SHANK2: variants seen among roughly 807,000 people sequenced by gnomAD.
SHANK2 encodes the protein SH3 and multiple ankyrin repeat domains protein 2.
In SHANK2, 43 loss-of-function variants were observed where a neutral mutation model predicts 133.7. The observed-to-expected ratio is 0.32, with a 90% CI of 0.25 to 0.41. The LOEUF (loss-of-function observed/expected upper bound fraction) is 0.41. Among genes scored for constraint, SHANK2 ranks in the 10% least tolerant of loss-of-function variants. The probability of loss-of-function intolerance (pLI) is 1.00; values close to 1 mark genes in which losing one functional copy is unlikely to be tolerated. For synonymous variants in SHANK2, 1,017 were observed against 952.8 expected (o/e 1.07, Z -1.24); for missense variants, 1,994 against 2,235.8 (o/e 0.89, Z 2.18).
chr11:70,826,750 A>C, intron 11 of SHANK2: 2 of 292,848 alleles, frequency 6.8e-6, no homozygotes, highest in East Asian at 8.8e-5. Flanking sequence ...CTGCTCTCAA[A>C]CCCGGCTACC....
chr11:70,845,699 A>C (rs1436698080), intron 11 of SHANK2, among the ~76,000 whole-genome samples: 1 of 152,210 alleles, frequency 6.6e-6, no homozygotes, highest in Non-Finnish European at 1.5e-5. Context: ...GCCAGGGAAA[A>C]TCAGAATGAA....
intron 17 of SHANK2, among the ~76,000 whole-genome samples, chr11:70,587,396 C>T (rs2060268212): frequency 6.6e-6 from 1 of 152,178 alleles, no homozygotes; most frequent in Admixed American, 6.5e-5. Context: ...TGTCGCGGCA[C>T]CACGGGTACA....
chr11:70,666,593 C>T (rs1489306067), intron 15 of SHANK2, among the ~76,000 whole-genome samples: 1 of 152,156 alleles, frequency 6.6e-6, no homozygotes, highest in Non-Finnish European at 1.5e-5. Context: ...CTGACCTTGG[C>T]CCCTGCCAGC....
rs149228824 is a variant in SHANK2, at chr11:71,213,182, C to T, written c.-13+11515G>A. Among the ~76,000 whole-genome samples, 12 of 152,026 alleles carry T rather than the reference C, an allele frequency of 7.9e-5. No individual in the cohort carries two copies. In the East Asian group the frequency reaches 1.6e-3, roughly 20 times the overall value. On this transcript the variant is annotated intron_variant, in intron 2 of 25. Coordinates refer to ENST00000601538, the MANE Select transcript of SHANK2 (RefSeq NM_012309.5). ...CAAAGGTGGAAAAGGAGAATCTTCC[C>T]GGGACAGCAGGGACTCCTAGCAGCT... is the stretch of plus-strand genomic sequence containing the variant.
chr11:70,649,603 G>A (rs191498308), intron 17 of SHANK2, among the ~76,000 whole-genome samples: 1 of 152,290 alleles, frequency 6.6e-6, no homozygotes, highest in East Asian at 1.9e-4. Flanking sequence ...ACAAGAGCCT[G>A]CTGAGAACAC....
At chr11:70,568,654 C>CCCCG (rs1554982483) in intron 17 of SHANK2, among the ~76,000 whole-genome samples, 1 of 131,576 alleles carries the variant, frequency 7.6e-6, no homozygotes, top group Non-Finnish European at 1.7e-5. Context: ...CTGCCCCCCC[C>CCCCG]GCCCACTTCC....
intron 17 of SHANK2, among the ~76,000 whole-genome samples, chr11:70,591,739 G>A (rs1270215865): frequency 7.9e-5 from 12 of 152,068 alleles, no homozygotes; most frequent in Non-Finnish European, 1.2e-4. Context: ...GATGTGGGCC[G>A]GGCGCGGTGG....
intron 3 of SHANK2, among the ~76,000 whole-genome samples, chr11:71,139,251 G>A (rs550343516): frequency 6.6e-6 from 1 of 151,858 alleles, no homozygotes; most frequent in South Asian, 2.1e-4. Context: ...GCGGATGCGG[G>A]GCCGACGTAG....
At chr11:71,112,732 G>A (rs942429560) in intron 5 of SHANK2, among the ~76,000 whole-genome samples, 2 of 152,042 alleles carry the variant, frequency 1.3e-5, no homozygotes, top group African/African-American at 4.8e-5. Flanking sequence ...CCCTCTCCAC[G>A]CCTCCTCCTC....
chr11:70,525,132 C>A (rs561899066), intron 17 of SHANK2, among the ~76,000 whole-genome samples: 1 of 152,212 alleles, frequency 6.6e-6, no homozygotes, highest in Non-Finnish European at 1.5e-5. Context: ...CAAACAGGGA[C>A]GCGTGTGGAG....
intron 17 of SHANK2, among the ~76,000 whole-genome samples, chr11:70,587,503 A>G (rs2060269707): frequency 6.6e-6 from 1 of 152,214 alleles, no homozygotes; most frequent in African/African-American, 2.4e-5. Flanking sequence ...ACAGGAAAAA[A>G]TATTCCCCAC....
At chr11:70,731,571 CTG>C (rs1555032202) in intron 14 of SHANK2, among the ~76,000 whole-genome samples, 1 of 152,218 alleles carries the variant, frequency 6.6e-6, no homozygotes, top group Admixed American at 6.5e-5. Flanking sequence ...CTCATGTGTG[CTG>C]TGTCAGTCCC....
At chr11:71,131,916 C>A (rs1198879856) in intron 3 of SHANK2, among the ~76,000 whole-genome samples, 2 of 152,148 alleles carry the variant, frequency 1.3e-5, no homozygotes, top group Admixed American at 1.3e-4. Flanking sequence ...TCCAAAAATG[C>A]CAGATCATTC....
chr11:70,758,441 G>A (rs1435904769), intron 14 of SHANK2, among the ~76,000 whole-genome samples: 12 of 152,202 alleles, frequency 7.9e-5, no homozygotes, highest in African/African-American at 2.4e-4. Flanking sequence ...GCGAGGCGGC[G>A]CCCATTGCTG....
intron 14 of SHANK2, among the ~76,000 whole-genome samples, chr11:70,768,070 G>GGCT: frequency 6.6e-6 from 1 of 152,124 alleles, no homozygotes; most frequent in Non-Finnish European, 1.5e-5. Context: ...GGGGTGGGGG[G>GGCT]GCTGAGGATG....
At chr11:70,860,113 TG>T (rs1555067498) in intron 11 of SHANK2, among the ~76,000 whole-genome samples, 1 of 152,166 alleles carries the variant, frequency 6.6e-6, no homozygotes, top group Admixed American at 6.5e-5. Flanking sequence ...TCCCTTCACA[TG>T]GTAGGAGTCC....
At chr11:70,633,723 G>A (rs782492124) in intron 17 of SHANK2, 4 of 152,242 alleles carry the variant, frequency 2.6e-5, no homozygotes, top group Non-Finnish European at 5.9e-5. Context: ...AGCCGGTGAG[G>A]AGCTTCAAGA....
chr11:70,624,838 C>CAA (rs2060882969), intron 17 of SHANK2, among the ~76,000 whole-genome samples: 1 of 152,188 alleles, frequency 6.6e-6, no homozygotes, highest in Non-Finnish European at 1.5e-5. Context: ...CCTGGCAGGG[C>CAA]GGCTCTGCGA....
At chr11:70,910,565 T>C (rs1555078775) in intron 10 of SHANK2, among the ~76,000 whole-genome samples, 1 of 152,046 alleles carries the variant, frequency 6.6e-6, no homozygotes, top group East Asian at 1.9e-4. Flanking sequence ...CCCAGCACAC[T>C]GAGAGGCTGA....
Sources: gnomAD v4.1 joint callset for allele counts (sites outside exome capture counted in the v4.1 genomes callset) on GRCh38, gnomAD v4.1.1 for gene constraint, MANE v1.5 for transcripts, NCBI Gene and HGNC (gene_info 2026-07-23, HGNC 2026-07-21) for gene names.